ATP2C1: variants seen among roughly 807,000 people sequenced by gnomAD.
The protein encoded by ATP2C1 is ATPase secretory pathway Ca2+ transporting 1, also known as calcium-transporting ATPase type 2C member 1.
A neutral mutation model predicts 120.5 loss-of-function variants in ATP2C1; 31 were observed. The ratio of observed to expected loss-of-function variants is 0.26; its 90% confidence interval spans 0.19 to 0.35. The LOEUF (loss-of-function observed/expected upper bound fraction) is 0.35. Ranked by LOEUF, ATP2C1 falls within the 10% of genes least tolerant of loss-of-function variation. The pLI is 1.00. For missense variants in ATP2C1, 731 were observed against 1,107.5 expected (o/e 0.66, Z 4.83); for synonymous variants, 351 against 358.7 (o/e 0.98, Z 0.24).
intron 26 of ATP2C1, chr3:131,016,104 G>C: frequency 6.3e-7 from 1 of 1,587,312 alleles, no homozygotes; most frequent in Non-Finnish European, 8.6e-7. Context: ...ATTTACTTTT[G>C]TGTGCTTCCA....
intron 10 of ATP2C1, chr3:130,955,719 A>C: frequency 4.5e-6 from 1 of 224,064 alleles, no homozygotes; most frequent in South Asian, 6.3e-5. Context: ...GGATTAAAAG[A>C]CCTGGGTTAC....
At chr3:130,991,967 G>A (rs890582823) in intron 20 of ATP2C1, among the ~76,000 whole-genome samples, 2 of 152,230 alleles carry the variant, frequency 1.3e-5, no homozygotes, top group African/African-American at 4.8e-5. Context: ...TCCTCTAGGA[G>A]AATAGGAAAG....
downstream of ATP2C1, among the ~76,000 whole-genome samples, chr3:131,005,045 G>A (rs1010287656): frequency 1.7e-4 from 26 of 151,706 alleles, no homozygotes; most frequent in African/African-American, 6.1e-4. Context: ...GGAAGCTTAA[G>A]GAGTAAAGGG....
chr3:131,005,551 G>T (rs1341252375), downstream of ATP2C1, among the ~76,000 whole-genome samples: 3 of 152,236 alleles, frequency 2.0e-5, no homozygotes, highest in Admixed American at 2.0e-4. Flanking sequence ...GCAGGGTTTA[G>T]TGGGACACAG....
chr3:130,990,142 C>G (rs574732663), intron 20 of ATP2C1, among the ~76,000 whole-genome samples: 4 of 152,046 alleles, frequency 2.6e-5, no homozygotes, highest in Non-Finnish European at 5.9e-5. Flanking sequence ...TATGGTAGTA[C>G]TGAGATTTAT....
At chr3:130,885,185 C>T (rs1487124690) in intron 1 of ATP2C1, among the ~76,000 whole-genome samples, 1 of 152,056 alleles carries the variant, frequency 6.6e-6, no homozygotes, top group Non-Finnish European at 1.5e-5. Context: ...CCACCCGCCT[C>T]TGCCTCCCAA....
chr3:130,990,279 C>CCT (rs1267266039), intron 20 of ATP2C1, among the ~76,000 whole-genome samples: 1 of 138,356 alleles, frequency 7.2e-6, no homozygotes. Flanking sequence ...GCAACCCCCC[C>CCT]CCCCACAAAA....
intron 8 of ATP2C1, among the ~76,000 whole-genome samples, chr3:130,952,239 A>G (rs934612602): frequency 1.3e-5 from 2 of 152,224 alleles, no homozygotes; most frequent in African/African-American, 2.4e-5. Flanking sequence ...ATCCAAGGGT[A>G]GAAACTTTGT....
At chr3:130,971,963 C>G (rs1470355809) in intron 17 of ATP2C1, among the ~76,000 whole-genome samples, 2 of 152,156 alleles carry the variant, frequency 1.3e-5, no homozygotes, top group East Asian at 1.9e-4. Flanking sequence ...TAAGAAGATT[C>G]AAGAGTTTTA....
chr3:130,867,261 C>T (rs879299284), intron 1 of ATP2C1, among the ~76,000 whole-genome samples: 11 of 152,048 alleles, frequency 7.2e-5, no homozygotes, highest in Non-Finnish European at 1.6e-4. Context: ...AAGAGTCATA[C>T]ATTCCTCTCT....
intron 11 of ATP2C1, among the ~76,000 whole-genome samples, chr3:130,957,812 A>C (rs2060646276): frequency 6.6e-6 from 1 of 152,150 alleles, no homozygotes; most frequent in Non-Finnish European, 1.5e-5. Context: ...TCAGCCTCCC[A>C]AAGTGCAGGG....
At chr3:130,971,333 T>G (rs2061309101) in intron 17 of ATP2C1, among the ~76,000 whole-genome samples, 1 of 152,164 alleles carries the variant, frequency 6.6e-6, no homozygotes, top group Admixed American at 6.5e-5. Flanking sequence ...TTGGAAACAT[T>G]TGATTATTCT....
At chr3:130,990,272 A>AT (rs1553779030) in intron 20 of ATP2C1, among the ~76,000 whole-genome samples, 3 of 102,072 alleles carry the variant, frequency 2.9e-5, no homozygotes, top group Non-Finnish European at 4.0e-5. Context: ...CTTAAGAGCA[A>AT]CCCCCCCCCC....
intron 2 of ATP2C1, among the ~76,000 whole-genome samples, chr3:130,902,085 A>G (rs2107997955): frequency 6.6e-6 from 1 of 151,946 alleles, no homozygotes; most frequent in Middle Eastern, 3.4e-3. Flanking sequence ...AAGGAAGTTG[A>G]CTCCTCTAAG....
intron 2 of ATP2C1, among the ~76,000 whole-genome samples, chr3:130,908,158 G>A (rs1559907586): frequency 1.3e-5 from 2 of 152,110 alleles, no homozygotes; most frequent in Admixed American, 6.6e-5. Flanking sequence ...TTGGAGATCA[G>A]TAGCAGTAGC....
At chr3:130,927,416 A>T (rs371259748) in intron 2 of ATP2C1, among the ~76,000 whole-genome samples, 39 of 151,524 alleles carry the variant, frequency 2.6e-4, no homozygotes, top group East Asian at 1.4e-3. Flanking sequence ...AATTTTTTGT[A>T]TTTTTTAGTA....
rs1181090944 is a variant in ATP2C1 at position 130,850,893 on chromosome 3, T to G, written c.73T>G (p.Leu25Val). 34 of 1,423,294 alleles carry G rather than the reference T, an allele frequency of 2.4e-5. No homozygotes were observed. Among genetic ancestry groups the G allele is most frequent in the Middle Eastern group, 1.8e-4 (1 of 5,488 alleles). 88.2% of individuals were successfully genotyped at this position (1,423,294 alleles called of 1,614,324 possible). ...TCCTCTCCATGCAATTAGGAGATATTTATCGACGCTGAGAAACCAAAGAGC... is the reference window on the plus strand; with the variant it reads ...TCCTCTCCATGCAATTAGGAGATATGTATCGACGCTGAGAAACCAAAGAGC... The change falls in exon 1 of 27, where the codon TTA becomes GTA. Residue 25 changes from leucine (L) to valine (V), a missense_variant. Coordinates refer to the ATP2C1 transcript ENST00000504381.
rs77565164 is a variant in ATP2C1 at position 130,855,100 on chromosome 3, T to C, written c.108+4172T>C. Among the ~76,000 whole-genome samples, 488 of 152,316 alleles carry C rather than the reference T, an allele frequency of 3.2e-3. 2 individuals are homozygous for C. Among genetic ancestry groups the C allele is most frequent in the African/African-American group, 0.011 (466 of 41,580 alleles). ...TTTAGTAAGACTTCTAAAATAGTTA[T>C]TGAATTCTCCATCTTCACCCTTCTA... On this transcript the variant is annotated intron_variant, in intron 1 of 26. Transcript: ENST00000504381.
chr3:130,964,829 G>T, intron 13 of ATP2C1, 119 bp from the exon 14 acceptor site: 1 of 678,758 alleles, frequency 1.5e-6, no homozygotes. Context: ...TTAACAATGA[G>T]TTTGATTTCT....
Sources: allele counts gnomAD v4.1 joint callset (sites outside exome capture counted in the v4.1 genomes callset), GRCh38; gene constraint gnomAD v4.1.1; transcripts MANE v1.5; gene names NCBI Gene and HGNC (gene_info 2026-07-23, HGNC 2026-07-21).